Variants in SNTG2 observed in about 807,000 individuals in gnomAD.
The protein encoded by SNTG2 is syntrophin gamma 2.
In SNTG2, 74 loss-of-function variants were observed where a neutral mutation model predicts 70.9. The ratio of observed to expected loss-of-function variants is 1.04; its 90% CI spans 0.86 to 1.27. SNTG2 has a LOEUF of 1.27. Ranked by LOEUF, SNTG2 falls within the 50% of genes most tolerant of loss-of-function variation. The pLI, the probability that SNTG2 is intolerant of heterozygous loss-of-function variation, is 0.00. For synonymous variants in SNTG2, 278 were observed against 273.8 expected (o/e 1.02, Z -0.15); for missense variants, 717 against 690.7 (o/e 1.04, Z -0.43).
rs1225814742 is a variant in SNTG2 at position 1,136,153 on chromosome 2, C to T, written c.326-1469C>T. On this transcript the variant is annotated intron_variant, in intron 4 of 16. Coordinates refer to ENST00000308624, the MANE Select transcript of SNTG2 (RefSeq NM_018968.4). ...TTCTGTGTGTACTTTCTTCTGTTAG[C>T]CTTTGATTCCCTTAAAATTTAGGTT... Among the ~76,000 whole-genome samples, 7 of 152,190 alleles carry T rather than the reference C, an allele frequency of 4.6e-5. No homozygotes were observed. In the East Asian group the frequency reaches 1.4e-3, roughly 29 times the overall value.
At chr2:1,006,409 A>AG (rs1659574038) in intron 1 of SNTG2, among the ~76,000 whole-genome samples, 1 of 58,296 alleles carries the variant, frequency 1.7e-5, no homozygotes, top group Non-Finnish European at 3.7e-5. Context: ...TTTCAAAAAA[A>AG]AAAGAAAATT....
intron 13 of SNTG2, among the ~76,000 whole-genome samples, chr2:1,265,720 G>A (rs1318875052): frequency 2.0e-5 from 3 of 152,254 alleles, no homozygotes; most frequent in African/African-American, 4.8e-5. Context: ...GAGCGTAAGT[G>A]TGAGTGGGGA....
At chr2:1,079,000 A>G (rs540089457) in intron 1 of SNTG2, among the ~76,000 whole-genome samples, 3 of 152,278 alleles carry the variant, frequency 2.0e-5, no homozygotes, top group Admixed American at 6.5e-5. Flanking sequence ...AATGGGAAAG[A>G]CTCAAAGTTT....
intron 8 of SNTG2, among the ~76,000 whole-genome samples, chr2:1,182,265 T>C (rs2147914775): frequency 6.6e-6 from 1 of 151,720 alleles, no homozygotes; most frequent in Admixed American, 6.6e-5. Flanking sequence ...TCACTAGTTT[T>C]CCTTTGTAAG....
rs1223056274 is a variant in SNTG2, at chr2:989,823, G to A, written c.72+38755G>A. On this transcript the variant is annotated intron_variant, in intron 1 of 16. Transcript: ENST00000308624. ...ATGCAATTCTTTTGTTAGATTTAGG[G>A]CAAGTCAGGTTATCTGTATCTTCTC... is the stretch of plus-strand genomic sequence containing the variant. Among the ~76,000 whole-genome samples, 3 of 152,224 alleles carry A rather than the reference G, an allele frequency of 2.0e-5. No homozygotes were observed. In the East Asian group the frequency reaches 5.8e-4, roughly 29 times the overall value.
intron 14 of SNTG2, among the ~76,000 whole-genome samples, chr2:1,288,526 G>A (rs180986184): frequency 1.6e-4 from 24 of 152,206 alleles, no homozygotes; most frequent in African/African-American, 5.8e-4. Context: ...ACATGGACAT[G>A]TGCACACATG....
chr2:1,179,698 C>T lies in SNTG2; in HGVS notation c.591+6515C>T, dbSNP rs1176925028. Among the ~76,000 whole-genome samples the T allele has an allele frequency of 2.6e-5, 4 of 151,786 alleles. No individual in the cohort carries two copies. The East Asian group carries it at 7.8e-4, about 30-fold the overall frequency. ...ATGAAGCTACCAATGACTTTCTTCA[C>T]AGAATTGGAAAAAACTACTTTAAAG... On this transcript the variant is annotated intron_variant, in intron 8 of 16. Transcript: ENST00000308624.
chr2:1,036,825 G>T (rs932002892), intron 1 of SNTG2, among the ~76,000 whole-genome samples: 4 of 152,174 alleles, frequency 2.6e-5, no homozygotes, highest in Non-Finnish European at 4.4e-5. Flanking sequence ...CTTGCCCAGC[G>T]TTTGTCTTGA....
intron 12 of SNTG2, among the ~76,000 whole-genome samples, chr2:1,257,107 C>A (rs958884572): frequency 6.6e-6 from 1 of 152,100 alleles, no homozygotes; most frequent in African/African-American, 2.4e-5. Context: ...ATTGTCACAG[C>A]CAGGAGCTAG....
chr2:1,255,021 G>C (rs1208816261), intron 12 of SNTG2, among the ~76,000 whole-genome samples: 1 of 152,184 alleles, frequency 6.6e-6, no homozygotes, highest in East Asian at 1.9e-4. Flanking sequence ...GCCCCTCTTA[G>C]CAGAGGGTTT....
chr2:1,244,673 G>A (rs1273170380), intron 11 of SNTG2, among the ~76,000 whole-genome samples: 1 of 136,900 alleles, frequency 7.3e-6, no homozygotes, highest in African/African-American at 2.8e-5. Context: ...TCCAGCCTGG[G>A]TGACAGAGCG....
chr2:1,338,256 A>G (rs1298277451), intron 16 of SNTG2, among the ~76,000 whole-genome samples: 1 of 152,226 alleles, frequency 6.6e-6, no homozygotes, highest in African/African-American at 2.4e-5. Context: ...TGGAGAATGT[A>G]TTGAATCTGA....
intron 14 of SNTG2, among the ~76,000 whole-genome samples, chr2:1,286,546 A>G (rs1472466887): frequency 6.6e-6 from 1 of 152,184 alleles, no homozygotes; most frequent in Non-Finnish European, 1.5e-5. Flanking sequence ...TGCTGTGTGG[A>G]ACACCATGAC....
rs1490244892 is a variant in SNTG2, at chr2:1,173,154, T to C, written c.562T>C (p.Leu188=). The change falls in exon 8 of 17, where the codon TTG becomes CTG. Residue 188 remains leucine, a synonymous_variant. Coordinates refer to ENST00000308624, the MANE Select transcript of SNTG2 (RefSeq NM_018968.4). The part of the protein sequence containing the change: ...GASSPLFDSG[L]HLNGNSSTTA... ...CTCCTCTCCCCTCTTTGACAGCGGT[T>C]TGCATCTGAACGGAAACTCCAGTAC... 6.2e-7 allele frequency: 1 copy of C among 1,614,004 alleles called. No individual in the cohort carries two copies. Among genetic ancestry groups the C allele is most frequent in the Non-Finnish European group, 8.5e-7 (1 of 1,179,890 alleles).
chr2:1,026,453 A>G lies in SNTG2; in HGVS notation c.73-57065A>G, dbSNP rs1660485012. Among the ~76,000 whole-genome samples the G allele has an allele frequency of 3.9e-5, 6 of 152,266 alleles. No homozygotes were observed. The South Asian group carries it at 1.0e-3, about 26-fold the overall frequency. ...TACAGGGACTTAGCCCTCTGACAAT[A>G]GTTTTAGGAAATTATAAGATGTCAT... On this transcript the variant is annotated intron_variant, in intron 1 of 16. Transcript: ENST00000308624.
intron 4 of SNTG2, among the ~76,000 whole-genome samples, chr2:1,129,664 C>T (rs1185399428): frequency 6.6e-6 from 1 of 152,176 alleles, no homozygotes; most frequent in Admixed American, 6.5e-5. Context: ...ATGCATATAA[C>T]TTACGGCATT....
chr2:1,134,013 C>T (rs184114535), intron 4 of SNTG2, among the ~76,000 whole-genome samples: 4 of 152,218 alleles, frequency 2.6e-5, no homozygotes, highest in Admixed American at 2.6e-4. Flanking sequence ...TTCGTGGTCT[C>T]GCTGGCTCAG....
At chr2:1,316,446 T>TA (rs1681283051) in intron 16 of SNTG2, 71 bp downstream of exon 16, 1 of 715,998 alleles carries the variant, frequency 1.4e-6, no homozygotes, top group Non-Finnish European at 2.3e-6. Flanking sequence ...GGTCCGCTGG[T>TA]AAAAATCTCC....
chr2:1,330,092 T>G (rs901969820), intron 16 of SNTG2, among the ~76,000 whole-genome samples: 1 of 152,176 alleles, frequency 6.6e-6, no homozygotes, highest in Non-Finnish European at 1.5e-5. Flanking sequence ...CTTTGTACAC[T>G]GCTGTTCCGC....
Sources: allele counts gnomAD v4.1 joint callset (sites outside exome capture counted in the v4.1 genomes callset), GRCh38; gene constraint gnomAD v4.1.1; transcripts MANE v1.5; gene names NCBI Gene and HGNC (gene_info 2026-07-23, HGNC 2026-07-21).